The following SLC9A9 variants were observed in gnomAD, a reference collection of about 807,000 sequenced individuals.
SLC9A9 encodes the protein solute carrier family 9 member A9, also known as sodium/hydrogen exchanger 9.
Under a neutral mutation model 77.8 loss-of-function variants are expected in SLC9A9, and 62 were observed. The observed-to-expected ratio is 0.80, with a 90% CI of 0.65 to 0.98. SLC9A9 has a LOEUF of 0.98. Among genes scored for constraint, SLC9A9 ranks in the 50% least tolerant of loss-of-function variants. SLC9A9 has a pLI of 0.00. For synonymous variants in SLC9A9, 320 were observed against 283.5 expected, an observed-to-expected ratio of 1.13 and a Z score of -1.29; for missense variants, 775 against 774.9, an observed-to-expected ratio of 1.00 and a Z score of 0.00.
intron 4 of SLC9A9, among the ~76,000 whole-genome samples, chr3:143,792,228 T>C (rs1296594334): frequency 6.6e-6 from 1 of 152,212 alleles, no homozygotes; most frequent in East Asian, 1.9e-4. Context: ...CATTTATTTA[T>C]AAGAAAAATA....
At chr3:143,511,569 G>T (rs537788878) in intron 9 of SLC9A9, among the ~76,000 whole-genome samples, 33 of 152,190 alleles carry the variant, frequency 2.2e-4, no homozygotes, top group African/African-American at 5.1e-4. Context: ...ATTACAGCCC[G>T]TGTTAGGAGT....
At chr3:143,553,307 G>C (rs2036924603) in intron 8 of SLC9A9, among the ~76,000 whole-genome samples, 1 of 152,162 alleles carries the variant, frequency 6.6e-6, no homozygotes, top group Admixed American at 6.5e-5. Flanking sequence ...CCCTGGGCTG[G>C]AGTGGGGAAG....
intron 12 of SLC9A9, among the ~76,000 whole-genome samples, chr3:143,426,517 T>G (rs1266200996): frequency 6.6e-6 from 1 of 152,232 alleles, no homozygotes; most frequent in Admixed American, 6.5e-5. Context: ...GTAGCAATTT[T>G]TCTAGCCTTT....
At chr3:143,541,126 T>C (rs1443322495) in intron 9 of SLC9A9, among the ~76,000 whole-genome samples, 1 of 152,168 alleles carries the variant, frequency 6.6e-6, no homozygotes, top group Non-Finnish European at 1.5e-5. Flanking sequence ...TTGCTCATGG[T>C]CCAATTTTAC....
At chr3:143,276,152 C>T (rs1938041693) in intron 14 of SLC9A9, among the ~76,000 whole-genome samples, 1 of 152,146 alleles carries the variant, frequency 6.6e-6, no homozygotes, top group Non-Finnish European at 1.5e-5. Flanking sequence ...ATTTTGAAAG[C>T]TCTCAGGGGC....
intron 14 of SLC9A9, among the ~76,000 whole-genome samples, chr3:143,294,170 T>C (rs2030144490): frequency 6.6e-6 from 1 of 152,208 alleles, no homozygotes; most frequent in African/African-American, 2.4e-5. Context: ...TCTGGCCAAA[T>C]ACAGTATTGA....
At chr3:143,454,398 T>G (rs2035053598) in intron 12 of SLC9A9, among the ~76,000 whole-genome samples, 1 of 152,224 alleles carries the variant, frequency 6.6e-6, no homozygotes, top group Non-Finnish European at 1.5e-5. Context: ...AAGAATCCTT[T>G]GCCTAATTCA....
chr3:143,823,266 C>T (rs949242979), intron 2 of SLC9A9, among the ~76,000 whole-genome samples: 1 of 152,132 alleles, frequency 6.6e-6, no homozygotes, highest in African/African-American at 2.4e-5. Flanking sequence ...TGAATCAAAA[C>T]ATTATAGAAG....
At chr3:143,298,254 T>C (rs2030364716) in intron 14 of SLC9A9, among the ~76,000 whole-genome samples, 1 of 152,196 alleles carries the variant, frequency 6.6e-6, no homozygotes, top group South Asian at 2.1e-4. Flanking sequence ...TTAGAGGTTG[T>C]ACTGGGGCAC....
At chr3:143,388,465 G>A (rs1023156693) in intron 12 of SLC9A9, among the ~76,000 whole-genome samples, 3 of 152,112 alleles carry the variant, frequency 2.0e-5, no homozygotes, top group Admixed American at 6.5e-5. Context: ...AGACAAATTA[G>A]TTAACCTTTG....
chr3:143,628,999 C>T (rs143948997), intron 6 of SLC9A9, among the ~76,000 whole-genome samples: 15 of 152,288 alleles, frequency 9.8e-5, no homozygotes, highest in Admixed American at 1.3e-4. Flanking sequence ...GCTACACTAT[C>T]GAAATTTAAC....
chr3:143,594,383 C>T (rs1014569379), intron 6 of SLC9A9, among the ~76,000 whole-genome samples: 19 of 152,224 alleles, frequency 1.2e-4, no homozygotes, highest in Non-Finnish European at 2.5e-4. Flanking sequence ...CAAGCCAGAA[C>T]TGTGATATGT....
At chr3:143,368,298 AC>A (rs1317720519) in intron 13 of SLC9A9, among the ~76,000 whole-genome samples, 2 of 152,142 alleles carry the variant, frequency 1.3e-5, no homozygotes, top group African/African-American at 2.4e-5. Flanking sequence ...GCTTATTTGA[AC>A]CCCTGAGAGA....
chr3:143,521,859 T>G (rs1009260846), intron 9 of SLC9A9, among the ~76,000 whole-genome samples: 1 of 152,122 alleles, frequency 6.6e-6, no homozygotes, highest in Non-Finnish European at 1.5e-5. Flanking sequence ...AGTTATTATA[T>G]TATATAAAAA....
intron 11 of SLC9A9, among the ~76,000 whole-genome samples, chr3:143,486,948 T>C (rs2035662857): frequency 6.6e-6 from 1 of 152,010 alleles, no homozygotes; most frequent in Admixed American, 6.5e-5. Flanking sequence ...ACTTTAAATG[T>C]AAATGTATTA....
At chr3:143,352,153 T>C (rs1471149004) in intron 14 of SLC9A9, among the ~76,000 whole-genome samples, 1 of 152,190 alleles carries the variant, frequency 6.6e-6, no homozygotes, top group African/African-American at 2.4e-5. Context: ...CCAGGCATAA[T>C]TCTGTGTCTA....
intron 11 of SLC9A9, 38 bp from the exon 12 acceptor site, chr3:143,467,228 C>T (rs1191991266): frequency 6.2e-7 from 1 of 1,613,416 alleles, no homozygotes; most frequent in East Asian, 2.2e-5. Context: ...AAATGCCTTG[C>T]AGGTGTCTTT....
intron 14 of SLC9A9, among the ~76,000 whole-genome samples, chr3:143,350,974 C>A (rs549793377): frequency 9.0e-4 from 137 of 152,334 alleles, no homozygotes; most frequent in African/African-American, 3.1e-3. Flanking sequence ...TGAGGGCTCT[C>A]TCTCCTTTGT....
At chr3:143,290,082 C>G (rs899673853) in intron 14 of SLC9A9, among the ~76,000 whole-genome samples, 7 of 152,196 alleles carry the variant, frequency 4.6e-5, no homozygotes, top group Non-Finnish European at 7.3e-5. Flanking sequence ...CTCTGAGAAA[C>G]CTTCCCTGAC....
Sources: gnomAD v4.1 joint callset for allele counts (sites outside exome capture counted in the v4.1 genomes callset) on GRCh38, gnomAD v4.1.1 for gene constraint, MANE v1.5 for transcripts, NCBI Gene and HGNC (gene_info 2026-07-23, HGNC 2026-07-21) for gene names.